The following CNTNAP2 variants were observed in gnomAD, a reference collection of about 807,000 sequenced individuals.
CNTNAP2 encodes the protein contactin-associated protein-like 2.
A neutral mutation model predicts 155.2 loss-of-function variants in CNTNAP2; 98 were observed. The observed-to-expected ratio is 0.63, with a 90% CI of 0.54 to 0.75. CNTNAP2 has a LOEUF of 0.75. Ranked by LOEUF, CNTNAP2 falls within the 30% of genes least tolerant of loss-of-function variation. The probability of loss-of-function intolerance (pLI) is 0.00; values close to 1 mark genes in which losing one functional copy is unlikely to be tolerated. For missense variants in CNTNAP2, 1,727 were observed against 1,688.1 expected, an observed-to-expected ratio of 1.02 and a Z score of -0.40; for synonymous variants, 651 against 631.2, an observed-to-expected ratio of 1.03 and a Z score of -0.47.
intron 13 of CNTNAP2, among the ~76,000 whole-genome samples, chr7:147,740,678 C>G (rs1164500234): frequency 2.0e-5 from 3 of 152,134 alleles, no homozygotes; most frequent in South Asian, 4.1e-4. Context: ...GTCACTTCCT[C>G]AAATTGTTTT....
At chr7:148,226,482 C>A (rs1795851807) in intron 19 of CNTNAP2, among the ~76,000 whole-genome samples, 1 of 152,106 alleles carries the variant, frequency 6.6e-6, no homozygotes, top group Non-Finnish European at 1.5e-5. Context: ...CGACCGTCTC[C>A]CAATAGATAG....
chr7:146,498,262 C>G (rs1367443014), intron 1 of CNTNAP2, among the ~76,000 whole-genome samples: 1 of 152,084 alleles, frequency 6.6e-6, no homozygotes, highest in African/African-American at 2.4e-5. Flanking sequence ...ATCCTCATTT[C>G]CCTTCAGGAA....
intron 9 of CNTNAP2, among the ~76,000 whole-genome samples, chr7:147,312,859 C>CTAG (rs964247344): frequency 1.7e-4 from 22 of 128,240 alleles, no homozygotes; most frequent in Non-Finnish European, 3.1e-4. Context: ...AATGGTTGAA[C>CTAG]TAGTTTACAG....
chr7:146,191,726 T>C (rs1198219219), intron 1 of CNTNAP2, among the ~76,000 whole-genome samples: 1 of 152,198 alleles, frequency 6.6e-6, no homozygotes, highest in African/African-American at 2.4e-5. Flanking sequence ...ATTTCTCCTA[T>C]TCACTTTTGT....
In CNTNAP2 at chr7:148,418,049, A is replaced by T. The variant is rs1203349537; in HGVS notation, c.*2433A>T. On this transcript the variant is annotated 3_prime_UTR_variant, in exon 24 of 24. Coordinates refer to ENST00000361727, the MANE Select transcript of CNTNAP2 (RefSeq NM_014141.6). ...CACTGTCTTCCTTCAAGAGGGTTAC[A>T]ATGTGGCCATCAGACAGGAAACCAA... is the stretch of plus-strand genomic sequence containing the variant. 6.6e-6 allele frequency: 1 copy of T among 152,206 alleles called. No homozygotes were observed. The highest frequency in any genetic ancestry group is 1.5e-5 in the Non-Finnish European group (1 of 68,050). 9.4% of individuals were successfully genotyped at this position (152,206 alleles called of 1,614,324 possible).
chr7:147,940,371 G>A (rs1026502787), intron 14 of CNTNAP2: 6 of 148,384 alleles, frequency 4.0e-5, no homozygotes, highest in Middle Eastern at 7.5e-3. Context: ...TATAGGTAGC[G>A]GTCCGACTTT....
chr7:148,158,866 G>A lies in CNTNAP2; in HGVS notation c.2773+11157G>A, dbSNP rs1018010265. Among the ~76,000 whole-genome samples the A allele has an allele frequency of 1.2e-4, 19 of 152,086 alleles. No homozygotes were observed. In the East Asian group the frequency reaches 1.5e-3, roughly 12 times the overall value. On this transcript the variant is annotated intron_variant, in intron 17 of 23. Transcript: ENST00000361727. The stretch of plus-strand genomic sequence containing the variant: ...TCTTATACAGATTTTTTATCTTTCC[G>A]ATAAGGACTGAACTAAACTTCATGA...
At chr7:147,207,157 A>G (rs1240703038) in intron 8 of CNTNAP2, among the ~76,000 whole-genome samples, 2 of 152,210 alleles carry the variant, frequency 1.3e-5, no homozygotes, top group Non-Finnish European at 2.9e-5. Flanking sequence ...GGAACTCTGG[A>G]AAACATAGTT....
At chr7:147,596,035 A>G (rs1243758239) in intron 12 of CNTNAP2, among the ~76,000 whole-genome samples, 2 of 152,112 alleles carry the variant, frequency 1.3e-5, no homozygotes, top group Non-Finnish European at 2.9e-5. Context: ...TTCATGCTGC[A>G]GCTCCAACAT....
At chr7:148,259,175 G>A (rs184439860) in intron 20 of CNTNAP2, among the ~76,000 whole-genome samples, 95 of 41,126 alleles carry the variant, frequency 2.3e-3, no homozygotes, top group African/African-American at 7.5e-3. Flanking sequence ...GCAAAACTCC[G>A]TCTTAAAAAA....
At chr7:146,879,048 G>A (rs1795485603) in intron 3 of CNTNAP2, among the ~76,000 whole-genome samples, 1 of 152,156 alleles carries the variant, frequency 6.6e-6, no homozygotes, top group African/African-American at 2.4e-5. Context: ...AAACACTCCA[G>A]GCTTGTAGTA....
At chr7:146,260,911 G>A (rs1251224271) in intron 1 of CNTNAP2, among the ~76,000 whole-genome samples, 1 of 152,134 alleles carries the variant, frequency 6.6e-6, no homozygotes, top group Non-Finnish European at 1.5e-5. Context: ...ATATGGTTGG[G>A]CTCTGTGTTC....
intron 6 of CNTNAP2, among the ~76,000 whole-genome samples, chr7:147,125,629 C>T (rs1031134225): frequency 6.6e-6 from 1 of 152,172 alleles, no homozygotes; most frequent in Non-Finnish European, 1.5e-5. Flanking sequence ...GAATGACTCT[C>T]TTGACCATTG....
chr7:147,324,933 C>T (rs1795424043), intron 9 of CNTNAP2, among the ~76,000 whole-genome samples: 1 of 152,092 alleles, frequency 6.6e-6, no homozygotes, highest in Non-Finnish European at 1.5e-5. Context: ...CACTGCATGC[C>T]TGTAGGTAAT....
chr7:146,956,064 A>G (rs1797428577), intron 3 of CNTNAP2, among the ~76,000 whole-genome samples: 2 of 148,460 alleles, frequency 1.3e-5, no homozygotes, highest in Admixed American at 6.7e-5. Context: ...ATGATTTTAA[A>G]AATGAAAGAG....
chr7:147,113,713 G>C (rs558683711), intron 5 of CNTNAP2, among the ~76,000 whole-genome samples: 2 of 152,242 alleles, frequency 1.3e-5, no homozygotes, highest in African/African-American at 4.8e-5. Context: ...TACAATTCAA[G>C]ATACGATTTG....
intron 9 of CNTNAP2, among the ~76,000 whole-genome samples, chr7:147,341,276 C>T (rs1265577052): frequency 3.3e-5 from 5 of 151,660 alleles, no homozygotes; most frequent in East Asian, 1.9e-4. Context: ...CATCACATAC[C>T]GGGGCCTGTC....
At chr7:146,790,177 C>T (rs1007134842) in intron 2 of CNTNAP2, among the ~76,000 whole-genome samples, 1 of 152,064 alleles carries the variant, frequency 6.6e-6, no homozygotes, top group Non-Finnish European at 1.5e-5. Context: ...ACTCATTTGA[C>T]CAAATCTTTC....
At chr7:147,854,956 A>G (rs1799012421) in intron 13 of CNTNAP2, among the ~76,000 whole-genome samples, 1 of 152,232 alleles carries the variant, frequency 6.6e-6, no homozygotes, top group African/African-American at 2.4e-5. Flanking sequence ...GAAAGAGAAT[A>G]TAAAATAGCC....
Sources: gnomAD v4.1 joint callset for allele counts (sites outside exome capture counted in the v4.1 genomes callset) on GRCh38, gnomAD v4.1.1 for gene constraint, MANE v1.5 for transcripts, NCBI Gene and HGNC (gene_info 2026-07-23, HGNC 2026-07-21) for gene names.